RBFOX3: variants seen among roughly 807,000 people sequenced by gnomAD.
RBFOX3 encodes RNA binding protein fox-1 homolog 3.
RBFOX3 carries 17 observed loss-of-function variants against 48.7 expected under a neutral mutation model. The observed-to-expected ratio is 0.35, with a 90% confidence interval of 0.24 to 0.52. RBFOX3 has a LOEUF of 0.52. Ranked by LOEUF, RBFOX3 falls within the 20% of genes least tolerant of loss-of-function variation. RBFOX3 has a pLI of 0.94. For synonymous variants in RBFOX3, 212 were observed against 209.5 expected, an observed-to-expected ratio of 1.01 and a Z score of -0.10; for missense variants, 382 against 497.5, an observed-to-expected ratio of 0.77 and a Z score of 2.21.
chr17:79,255,931 C>T (rs1057476725), intron 3 of RBFOX3, among the ~76,000 whole-genome samples: 2 of 151,422 alleles, frequency 1.3e-5, no homozygotes, highest in East Asian at 2.0e-4. Context: ...CGCTGCCTGC[C>T]GAGCACAGAG....
chr17:79,151,174 C>T (rs1298789920), intron 4 of RBFOX3, among the ~76,000 whole-genome samples: 2 of 151,982 alleles, frequency 1.3e-5, no homozygotes, highest in Non-Finnish European at 1.5e-5. Context: ...AGCAACAAAG[C>T]CGGCATCAGA....
intron 2 of RBFOX3, among the ~76,000 whole-genome samples, chr17:79,452,776 C>A (rs1555742475): frequency 6.6e-6 from 1 of 152,194 alleles, no homozygotes; most frequent in African/African-American, 2.4e-5. Context: ...GAGAAGCAGG[C>A]CCGGCAGGGT....
chr17:79,275,217 C>T (rs1034007407), intron 3 of RBFOX3, among the ~76,000 whole-genome samples: 2 of 150,722 alleles, frequency 1.3e-5, no homozygotes, highest in Non-Finnish European at 3.0e-5. Context: ...CATGTTCCTC[C>T]CCTTCTCACT....
At chr17:79,624,748 G>A in the RBFOX3 span, among the ~76,000 whole-genome samples, 20 of 152,162 alleles carry the variant, frequency 1.3e-4, no homozygotes, top group African/African-American at 4.6e-4. Context: ...CTTGGAGCCT[G>A]CAGACGCCTC....
At chr17:79,428,339 C>T (rs2067773026) in intron 2 of RBFOX3, among the ~76,000 whole-genome samples, 1 of 152,206 alleles carries the variant, frequency 6.6e-6, no homozygotes, top group Non-Finnish European at 1.5e-5. Flanking sequence ...CCTGCAGACC[C>T]ACCCTGGTCT....
intron 1 of RBFOX3, among the ~76,000 whole-genome samples, chr17:79,594,793 C>G (rs2093523899): frequency 6.6e-6 from 1 of 152,150 alleles, no homozygotes; most frequent in African/African-American, 2.4e-5. Flanking sequence ...GCTGCGAGGC[C>G]TTCCAGGGGC....
chr17:79,303,749 TGAAGA>T (rs1421333771), intron 3 of RBFOX3, among the ~76,000 whole-genome samples: 1 of 152,102 alleles, frequency 6.6e-6, no homozygotes, highest in Non-Finnish European at 1.5e-5. Context: ...CAGCTGACAA[TGAAGA>T]GAAGCTTCCA....
intron 1 of RBFOX3, among the ~76,000 whole-genome samples, chr17:79,592,977 C>T (rs1647139433): frequency 6.6e-6 from 1 of 152,186 alleles, no homozygotes; most frequent in African/African-American, 2.4e-5. Flanking sequence ...CCCCAAACCA[C>T]AGTCTGCTTA....
chr17:79,403,544 C>T (rs975901855), intron 2 of RBFOX3, among the ~76,000 whole-genome samples: 7 of 152,352 alleles, frequency 4.6e-5, no homozygotes, highest in African/African-American at 1.7e-4. Flanking sequence ...CTCCACAGGT[C>T]CAGCTTCCAC....
At chr17:79,656,561 C>T in the RBFOX3 span, among the ~76,000 whole-genome samples, 1 of 150,768 alleles carries the variant, frequency 6.6e-6, no homozygotes, top group African/African-American at 2.5e-5. Context: ...TTGCAGTGAG[C>T]CAAGATCACA....
chr17:79,456,046 GC>G (rs11317467), intron 2 of RBFOX3, among the ~76,000 whole-genome samples: 52,255 of 151,656 alleles, frequency 0.34, 9,622 homozygotes, highest in Admixed American at 0.43. Flanking sequence ...CCCACCCCAA[GC>G]CTTAAGGACA....
chr17:79,608,959 G>A (rs1365812295), intron 1 of RBFOX3, among the ~76,000 whole-genome samples: 2 of 32,568 alleles, frequency 6.1e-5, no homozygotes, highest in Admixed American at 3.8e-4. Flanking sequence ...CCCCCACCCC[G>A]CCGGCGCTCA....
chr17:79,283,308 G>A (rs9906034), intron 3 of RBFOX3, among the ~76,000 whole-genome samples: 74,798 of 140,882 alleles, frequency 0.53, 19,866 homozygotes, highest in African/African-American at 0.62. Flanking sequence ...TTGCTCTGTC[G>A]CCCAGGCTGG....
chr17:79,182,722 C>T (rs1346015771), intron 4 of RBFOX3, among the ~76,000 whole-genome samples: 1 of 151,956 alleles, frequency 6.6e-6, no homozygotes, highest in East Asian at 1.9e-4. Context: ...GCCCCCTCCC[C>T]GGCCAGAGCT....
chr17:79,355,767 G>T (rs117135891), intron 2 of RBFOX3, among the ~76,000 whole-genome samples: 7,657 of 152,172 alleles, frequency 0.05, 248 homozygotes, highest in Middle Eastern at 0.088. Context: ...TTTTAGTAGA[G>T]ATGGGATTTC....
intron 14 of RBFOX3, among the ~76,000 whole-genome samples, chr17:79,091,737 G>C (rs909004855): frequency 6.6e-5 from 10 of 152,164 alleles, no homozygotes; most frequent in African/African-American, 1.9e-4. Flanking sequence ...TTGGGGACAG[G>C]GAAAGTAGGC....
intron 1 of RBFOX3, among the ~76,000 whole-genome samples, chr17:79,542,791 A>G (rs1316265610): frequency 6.6e-6 from 1 of 152,218 alleles, no homozygotes; most frequent in Non-Finnish European, 1.5e-5. Flanking sequence ...TCAAAATAAA[A>G]GGATTTTTTT....
intron 4 of RBFOX3, among the ~76,000 whole-genome samples, chr17:79,190,232 T>C (rs551733993): frequency 1.3e-5 from 2 of 151,778 alleles, no homozygotes; most frequent in Non-Finnish European, 2.9e-5. Context: ...GGCAACATGG[T>C]GAAACCCCAT....
At chr17:79,429,110 A>G (rs1284258312) in intron 2 of RBFOX3, among the ~76,000 whole-genome samples, 1 of 152,192 alleles carries the variant, frequency 6.6e-6, no homozygotes, top group Non-Finnish European at 1.5e-5. Context: ...AAGCAGCCCC[A>G]GGTCCACGTG....
Sources: gnomAD v4.1 joint callset for allele counts (sites outside exome capture counted in the v4.1 genomes callset) on GRCh38, gnomAD v4.1.1 for gene constraint, MANE v1.5 for transcripts, NCBI Gene and HGNC (gene_info 2026-07-23, HGNC 2026-07-21) for gene names.